EPS15L1: variants seen among roughly 807,000 people sequenced by gnomAD.
EPS15L1 encodes epidermal growth factor receptor pathway substrate 15 like 1, also known as epidermal growth factor receptor substrate 15-like 1.
EPS15L1 carries 43 observed loss-of-function variants against 117.1 expected under a neutral mutation model. The observed-to-expected ratio is 0.37, with a 90% CI of 0.29 to 0.47. EPS15L1 has a LOEUF of 0.47. Ranked by LOEUF, EPS15L1 falls within the 20% of genes least tolerant of loss-of-function variation. The pLI is 0.99. For synonymous variants in EPS15L1, 459 were observed against 470.5 expected (o/e 0.98, Z 0.32); for missense variants, 981 against 1,164.0 (o/e 0.84, Z 2.29).
At position 16,413,250 on chromosome 19, in the gene EPS15L1, G is replaced by A. The variant is rs866848562; in HGVS notation, c.1266+523C>T. ...CCACATTGTCCCTTGCAAGGTGACAGGCCACTGCAACTCTGTGCTGGTGTA... is the reference window on the plus strand; with the variant it reads ...CCACATTGTCCCTTGCAAGGTGACAAGCCACTGCAACTCTGTGCTGGTGTA... On this transcript the variant is annotated intron_variant, in intron 13 of 23. Transcript: ENST00000455140. 6 of 644,928 alleles carry A rather than the reference G, an allele frequency of 9.3e-6. No homozygotes were observed. In the Middle Eastern group the frequency reaches 1.7e-3, roughly 178 times the overall value. 40.0% of individuals were successfully genotyped at this position (644,928 alleles called of 1,614,324 possible).
intron 6 of EPS15L1, 76 bp from the exon 7 acceptor site, chr19:16,434,566 G>A (rs1009687620): frequency 3.3e-6 from 5 of 1,521,434 alleles, no homozygotes; most frequent in Non-Finnish European, 4.4e-6. Flanking sequence ...CTGACCGAAA[G>A]CCAAGTGAAA....
chr19:16,397,651 C>T (rs2092554041), intron 16 of EPS15L1, among the ~76,000 whole-genome samples: 1 of 151,638 alleles, frequency 6.6e-6, no homozygotes, highest in Non-Finnish European at 1.5e-5. Context: ...AGTACTTATG[C>T]AGTTAGAATT....
At position 16,365,095 on chromosome 19, in the gene EPS15L1, G is replaced by A. The variant is rs2092115084; in HGVS notation, c.2381-3111C>T. On this transcript the variant is annotated intron_variant, in intron 22 of 23. Transcript: ENST00000455140. The surrounding 1 kb of genome is among the most constrained non-coding windows in gnomAD (Gnocchi z 4.9). ...ACTCCCAACTGGAATGCCATCACAG[G>A]CAGTGGCCTTCTCAGGGAAGAAATG... is the stretch of plus-strand genomic sequence containing the variant. 6.6e-6 allele frequency among the ~76,000 whole-genome samples: 1 copy of A among 152,232 alleles called. No homozygotes were observed. Among genetic ancestry groups the A allele is most frequent in the Non-Finnish European group, 1.5e-5 (1 of 68,038 alleles).
intron 1 of EPS15L1, among the ~76,000 whole-genome samples, chr19:16,451,904 G>C (rs1198075263): frequency 6.6e-6 from 1 of 151,100 alleles, no homozygotes; most frequent in Non-Finnish European, 1.5e-5. Flanking sequence ...TTGGGAGGTC[G>C]AGGCAGGCAG....
rs1184360018 is a variant in EPS15L1 at position 16,381,062 on chromosome 19, AG to A, written c.2248-3809del. 6.6e-6 allele frequency among the ~76,000 whole-genome samples: 1 copy of A among 152,184 alleles called. No individual in the cohort carries two copies. Reference sequence around the variant, plus strand: ...AGGGCAGTGGCAGGTGCCCCCAGGGAGGGGAAGGGGCCCCAAAGGCTCCTGC... The same window carrying A: ...AGGGCAGTGGCAGGTGCCCCCAGGGAGGGAAGGGGCCCCAAAGGCTCCTGC... On this transcript the variant is annotated intron_variant, in intron 21 of 23. Transcript: ENST00000455140. This position sits in a 1 kb window ranked among gnomAD's most constrained non-coding sequence, Gnocchi z 4.2.
intron 1 of EPS15L1, among the ~76,000 whole-genome samples, chr19:16,470,423 T>C (rs1485830255): frequency 9.2e-5 from 14 of 151,892 alleles, no homozygotes. Flanking sequence ...TTTAGAAAGA[T>C]CCACGCCTCC....
chr19:16,367,880 A>C (rs1392723745), intron 22 of EPS15L1, among the ~76,000 whole-genome samples: 1 of 152,112 alleles, frequency 6.6e-6, no homozygotes, highest in Non-Finnish European at 1.5e-5. Flanking sequence ...CTTGGTTTAA[A>C]TTTTTTGCTT....
At chr19:16,384,901 G>A (rs2092403101) in intron 21 of EPS15L1, among the ~76,000 whole-genome samples, 1 of 152,222 alleles carries the variant, frequency 6.6e-6, no homozygotes, top group African/African-American at 2.4e-5. Context: ...ACCAGTGGGA[G>A]CCAGGGGAGC....
Position 16,444,059 on chromosome 19 carries a change from G to A in EPS15L1, c.34-1840C>T, listed in dbSNP as rs190120771. On this transcript the variant is annotated intron_variant, in intron 1 of 23. Coordinates refer to ENST00000455140, the MANE Select transcript of EPS15L1 (RefSeq NM_001258374.3). The stretch of plus-strand genomic sequence containing the variant: ...AGCCCAGGCGACGGTGCGAGACTCC[G>A]TCTCAAAAAAAAAAAAAAAAAAAAG... Among the ~76,000 whole-genome samples, 69 of 106,424 alleles carry A rather than the reference G, an allele frequency of 6.5e-4. 1 individual carries two copies. The highest frequency in any genetic ancestry group is 2.4e-3 in the African/African-American group (64 of 26,242). The allele number at this position is 106,424 out of a possible 152,430, so 69.8% of individuals were successfully genotyped here.
chr19:16,465,542 G>C (rs1306667803), intron 1 of EPS15L1, among the ~76,000 whole-genome samples: 1 of 152,146 alleles, frequency 6.6e-6, no homozygotes, highest in Non-Finnish European at 1.5e-5. Flanking sequence ...AATTAGCCAG[G>C]TGTGGTGTTG....
At chr19:16,415,632 C>T (rs951323503) in intron 12 of EPS15L1, among the ~76,000 whole-genome samples, 6 of 152,208 alleles carry the variant, frequency 3.9e-5, no homozygotes, top group Non-Finnish European at 7.3e-5. Context: ...CCACACTCCC[C>T]GAATCAAGGG....
intron 6 of EPS15L1, 105 bp from the exon 7 acceptor site, chr19:16,434,595 TCACCC>T: frequency 8.0e-7 from 1 of 1,246,674 alleles, no homozygotes; most frequent in Non-Finnish European, 1.1e-6. Context: ...GGACCCATCA[TCACCC>T]TTGGCTAAAA....
At chr19:16,389,171 T>C (rs1467266121) in intron 19 of EPS15L1, among the ~76,000 whole-genome samples, 1 of 150,944 alleles carries the variant, frequency 6.6e-6, no homozygotes, top group Non-Finnish European at 1.5e-5. Context: ...AAAAGAATAA[T>C]AGCTGGGTGA....
intron 1 of EPS15L1, among the ~76,000 whole-genome samples, chr19:16,457,890 G>C (rs1410482457): frequency 6.6e-6 from 1 of 151,834 alleles, no homozygotes; most frequent in Non-Finnish European, 1.5e-5. Context: ...ACACCGAGAG[G>C]GGCTCAATGA....
chr19:16,393,818 G>T, intron 18 of EPS15L1, 133 bp downstream of exon 18: 1 of 915,522 alleles, frequency 1.1e-6, no homozygotes, highest in Non-Finnish European at 1.8e-6. Flanking sequence ...GGTACAACAT[G>T]GATGGACGGC....
Position 16,402,753 on chromosome 19 carries a change from T to A in EPS15L1, c.1627-268A>T, listed in dbSNP as rs145912740. Among the ~76,000 whole-genome samples, 36 of 151,840 alleles carry A rather than the reference T, an allele frequency of 2.4e-4. 1 individual carries two copies. In the East Asian group the frequency reaches 6.6e-3, roughly 28 times the overall value. On this transcript the variant is annotated intron_variant, in intron 15 of 23. Coordinates refer to ENST00000455140, the MANE Select transcript of EPS15L1 (RefSeq NM_001258374.3). ...ATCTCTGCAAAAAATACAAAAAAAA[T>A]TCTGTATTTTTTGTAGAGATGGGGT... is the stretch of plus-strand genomic sequence containing the variant.
intron 12 of EPS15L1, among the ~76,000 whole-genome samples, chr19:16,414,548 G>A (rs991390238): frequency 6.6e-6 from 1 of 151,810 alleles, no homozygotes; most frequent in East Asian, 1.9e-4. Flanking sequence ...CTACAGGCAC[G>A]TGCCACCACG....
At chr19:16,366,366 C>G (rs922910421) in intron 22 of EPS15L1, among the ~76,000 whole-genome samples, 6 of 152,088 alleles carry the variant, frequency 3.9e-5, no homozygotes, top group Non-Finnish European at 7.4e-5. Context: ...TTCTTCTTTT[C>G]AATGAAGATC....
intron 22 of EPS15L1, among the ~76,000 whole-genome samples, chr19:16,363,432 G>A (rs2092087241): frequency 6.6e-6 from 1 of 152,006 alleles, no homozygotes; most frequent in Non-Finnish European, 1.5e-5. Flanking sequence ...TTCCTCATCC[G>A]GTAGAACGAG....
Sources: allele counts gnomAD v4.1 joint callset (sites outside exome capture counted in the v4.1 genomes callset), GRCh38; gene constraint gnomAD v4.1.1; non-coding constraint Gnocchi (gnomAD v3.1); transcripts MANE v1.5; gene names NCBI Gene and HGNC (gene_info 2026-07-23, HGNC 2026-07-21).